Variants in ORC2 observed in about 807,000 individuals in gnomAD.
ORC2 encodes the protein origin recognition complex subunit 2, also known as origin recognition complex protein 2 homolog.
Under a neutral mutation model 77.7 loss-of-function variants are expected in ORC2, and 37 were observed. The observed-to-expected ratio is 0.48, with a 90% CI of 0.37 to 0.63. ORC2 has a LOEUF of 0.63. Ranked by LOEUF, ORC2 falls within the 20% of genes least tolerant of loss-of-function variation. The pLI is 0.00. For missense variants in ORC2, 557 were observed against 661.9 expected, an observed-to-expected ratio of 0.84 and a Z score of 1.74; for synonymous variants, 201 against 229.5, an observed-to-expected ratio of 0.88 and a Z score of 1.12.
intron 15 of ORC2, among the ~76,000 whole-genome samples, chr2:200,914,890 T>A (rs2124928480): frequency 6.6e-6 from 1 of 152,248 alleles, no homozygotes; most frequent in African/African-American, 2.4e-5. Flanking sequence ...GGGTATGCTG[T>A]TATCTCAAAT....
At chr2:200,926,041 A>G (rs912716278) in intron 12 of ORC2, 109 bp from the exon 13 acceptor site, 3 of 443,978 alleles carry the variant, frequency 6.8e-6, no homozygotes, top group African/African-American at 6.0e-5. Context: ...GGATTTCCCA[A>G]AAGTTTAAAA....
chr2:200,923,344 G>C (rs935099736), intron 13 of ORC2, among the ~76,000 whole-genome samples: 2 of 152,094 alleles, frequency 1.3e-5, no homozygotes, highest in African/African-American at 4.8e-5. Context: ...CAACTCCCAG[G>C]TTCAAGCGAT....
At chr2:200,932,067 T>A (rs1056738220) in intron 10 of ORC2, among the ~76,000 whole-genome samples, 6 of 152,196 alleles carry the variant, frequency 3.9e-5, no homozygotes, top group African/African-American at 1.4e-4. Flanking sequence ...TACTGAAGAT[T>A]AGAGTTGCGA....
rs754712879 is a variant in ORC2, at chr2:200,920,243, C to T, written c.1445G>A (p.Arg482Gln). ...TTACCTTGCATTAGGGGTAAGGCTTCGTAAGACATGAGTAAGGGAGCTAAG... is the reference window on the plus strand; with the variant it reads ...TTACCTTGCATTAGGGGTAAGGCTTTGTAAGACATGAGTAAGGGAGCTAAG... Reference protein sequence around the residue: ...LPLSSLTHVLRSLTPNARGIF... With the variant: ...LPLSSLTHVLQSLTPNARGIF... Residue 482 changes from arginine to glutamine, a missense_variant, in exon 15 of 18, where the codon CGA becomes CAA. Coordinates refer to ENST00000234296, the MANE Select transcript of ORC2 (RefSeq NM_006190.5). 14 of 1,612,352 alleles carry T rather than the reference C, an allele frequency of 8.7e-6. No homozygotes were observed. In the East Asian group the frequency reaches 1.3e-4, roughly 15 times the overall value.
At chr2:200,959,740 C>A (rs2125041163) in intron 1 of ORC2, among the ~76,000 whole-genome samples, 2 of 152,278 alleles carry the variant, frequency 1.3e-5, no homozygotes, top group Middle Eastern at 3.4e-3. Flanking sequence ...ATCTGCACAA[C>A]TCTATGAGGT....
In ORC2 at chr2:200,915,003, C is replaced by CTTTTTT. The variant is rs1158807101; in HGVS notation, c.1467-1017_1467-1012dup. ...CTTCACTTTTTGATTCTTCCCACGT[C>CTTTTTT]TTTTTTTTTTTTTTTTTTTTTTTTT... is the stretch of plus-strand genomic sequence containing the variant. On this transcript the variant is annotated intron_variant, in intron 15 of 17. Transcript: ENST00000234296. 1.0e-3 allele frequency among the ~76,000 whole-genome samples: 68 copies of CTTTTTT among 65,292 alleles called. 3 individuals are homozygous for CTTTTTT. The highest frequency in any genetic ancestry group is 1.6e-3 in the Non-Finnish European group (55 of 33,542). The allele number at this position is 65,292 out of a possible 152,430, so 42.8% of individuals were successfully genotyped here. A position where few individuals can be genotyped will look rare whatever the true frequency, so the allele number is the denominator to read the frequency against.
At chr2:200,920,849 C>G (rs1346730597) in intron 14 of ORC2, 144 bp downstream of exon 14, 3 of 475,874 alleles carry the variant, frequency 6.3e-6, no homozygotes, top group Non-Finnish European at 1.0e-5. Context: ...AGATTGAGAA[C>G]ATCTTTTTGG....
At chr2:200,931,503 T>C in intron 10 of ORC2, 55 bp from the exon 11 acceptor site, 1 of 892,000 alleles carries the variant, frequency 1.1e-6, no homozygotes. Flanking sequence ...AGACAGCAAA[T>C]CAATCCAAAC....
intron 11 of ORC2, among the ~76,000 whole-genome samples, chr2:200,928,963 T>C (rs2040891688): frequency 6.6e-6 from 1 of 151,990 alleles, no homozygotes; most frequent in Non-Finnish European, 1.5e-5. Flanking sequence ...AGAATGAGCA[T>C]TTATTTATTT....
chr2:200,916,484 CA>C (rs202132939), intron 15 of ORC2, among the ~76,000 whole-genome samples: 3 of 147,244 alleles, frequency 2.0e-5, no homozygotes, highest in Non-Finnish European at 3.0e-5. Context: ...GTCTCCATCT[CA>C]AAAAAAAAAC....
intron 13 of ORC2, among the ~76,000 whole-genome samples, chr2:200,923,668 C>A (rs940087842): frequency 6.6e-6 from 1 of 152,146 alleles, no homozygotes; most frequent in Admixed American, 6.5e-5. Context: ...TTCCCCAAGG[C>A]ACATCACAGC....
intron 9 of ORC2, 120 bp downstream of exon 9, chr2:200,935,579 A>G (rs1338155339): frequency 1.4e-6 from 1 of 737,318 alleles, no homozygotes; most frequent in Non-Finnish European, 2.1e-6. Context: ...TGGAAGGCTG[A>G]GAAAATATAG....
At chr2:200,948,118 T>C (rs1172978003) in intron 5 of ORC2, among the ~76,000 whole-genome samples, 1 of 152,110 alleles carries the variant, frequency 6.6e-6, no homozygotes, top group African/African-American at 2.4e-5. Flanking sequence ...TTTCACTGTG[T>C]TAGCCAGGAT....
chr2:200,952,267 A>T (rs2041371722), intron 4 of ORC2, among the ~76,000 whole-genome samples: 1 of 151,630 alleles, frequency 6.6e-6, no homozygotes, highest in Non-Finnish European at 1.5e-5. Flanking sequence ...TTATTTATTT[A>T]TTTATTTTTT....
intron 1 of ORC2, chr2:200,963,212 C>T (rs1264304150): frequency 5.2e-6 from 2 of 381,654 alleles, no homozygotes; most frequent in Non-Finnish European, 9.3e-6. Flanking sequence ...CAGAGTGAGC[C>T]TCTCACCTCA....
chr2:200,937,820 A>C (rs1376205388), intron 8 of ORC2, 86 bp downstream of exon 8: 2 of 845,106 alleles, frequency 2.4e-6, no homozygotes, highest in Non-Finnish European at 3.9e-6. Context: ...CAAGCAGTCT[A>C]AGTCTAGAAC....
At chr2:200,931,316 G>A (rs889805868) in intron 11 of ORC2, 23 bp downstream of exon 11, 1 of 928,110 alleles carries the variant, frequency 1.1e-6, no homozygotes. Flanking sequence ...TATTTTACAA[G>A]GGTTTGTAAT....
chr2:200,916,437 A>T (rs2040652342), intron 15 of ORC2, among the ~76,000 whole-genome samples: 1 of 151,866 alleles, frequency 6.6e-6, no homozygotes, highest in Non-Finnish European at 1.5e-5. Context: ...GTGAGCCGAG[A>T]TCTTGCCACT....
intron 15 of ORC2, among the ~76,000 whole-genome samples, chr2:200,917,987 A>T (rs987044490): frequency 7.9e-5 from 12 of 151,046 alleles, no homozygotes; most frequent in Admixed American, 3.3e-4. Context: ...TTGGTACCTA[A>T]TTTTTTTTTA....
Sources: gnomAD v4.1 joint callset for allele counts (sites outside exome capture counted in the v4.1 genomes callset) on GRCh38, gnomAD v4.1.1 for gene constraint, MANE v1.5 for transcripts, NCBI Gene and HGNC (gene_info 2026-07-23, HGNC 2026-07-21) for gene names.